BBX: variants seen among roughly 807,000 people sequenced by gnomAD.
BBX encodes the protein BBX high mobility group box domain containing, also known as HMG box transcription factor BBX.
Under a neutral mutation model 100.2 loss-of-function variants are expected in BBX, and 30 were observed. The ratio of observed to expected loss-of-function variants is 0.30; its 90% confidence interval spans 0.22 to 0.41. The LOEUF is 0.41. BBX is among the 10% of genes least tolerant of loss of function. BBX has a pLI of 1.00. For missense variants in BBX, 1,023 were observed against 1,129.8 expected (o/e 0.91, Z 1.35); for synonymous variants, 376 against 388.1 (o/e 0.97, Z 0.37).
chr3:107,632,377 G>T (rs1057431990), intron 2 of BBX, among the ~76,000 whole-genome samples: 1 of 152,046 alleles, frequency 6.6e-6, no homozygotes, highest in African/African-American at 2.4e-5. Flanking sequence ...GAGCTACCAC[G>T]CCTGGCCTTA....
At chr3:107,666,150 A>T (rs918994892) in intron 3 of BBX, among the ~76,000 whole-genome samples, 2 of 152,230 alleles carry the variant, frequency 1.3e-5, no homozygotes, top group Admixed American at 1.3e-4. Flanking sequence ...GAGGCAAAAG[A>T]TGCCAGAGAT....
chr3:107,595,888 C>G (rs963662828), intron 2 of BBX, among the ~76,000 whole-genome samples: 3 of 152,174 alleles, frequency 2.0e-5, no homozygotes, highest in African/African-American at 7.2e-5. Context: ...CTACTATTGA[C>G]TGGAAGCCTT....
intron 13 of BBX, among the ~76,000 whole-genome samples, chr3:107,778,825 T>C (rs1006564656): frequency 6.6e-6 from 1 of 151,652 alleles, no homozygotes; most frequent in Non-Finnish European, 1.5e-5. Context: ...GTTAACCTTT[T>C]CTTGAACAGA....
chr3:107,689,102 C>CT (rs1192081313), intron 3 of BBX, among the ~76,000 whole-genome samples: 4 of 152,084 alleles, frequency 2.6e-5, no homozygotes, highest in Admixed American at 2.0e-4. Flanking sequence ...CCAGTTGGTT[C>CT]TTTTTCAAAT....
At chr3:107,800,259 G>T (rs1475257490) in intron 16 of BBX, among the ~76,000 whole-genome samples, 1 of 152,132 alleles carries the variant, frequency 6.6e-6, no homozygotes, top group African/African-American at 2.4e-5. Flanking sequence ...TCCAATCTGA[G>T]TTCTGTTCTG....
At chr3:107,600,013 A>G (rs2053954467) in intron 2 of BBX, among the ~76,000 whole-genome samples, 1 of 152,312 alleles carries the variant, frequency 6.6e-6, no homozygotes, top group African/African-American at 2.4e-5. Flanking sequence ...ATGGGTGATG[A>G]TTTATTGTAA....
At chr3:107,661,988 A>G (rs1332911042) in intron 3 of BBX, 2 of 810,370 alleles carry the variant, frequency 2.5e-6, no homozygotes, top group Admixed American at 1.2e-4. Context: ...TTCACGCAGC[A>G]TAGTTGGTGG....
chr3:107,577,442 C>T (rs887173532), intron 2 of BBX, among the ~76,000 whole-genome samples: 5 of 152,120 alleles, frequency 3.3e-5, no homozygotes, highest in Non-Finnish European at 7.4e-5. Context: ...AGATATTCTG[C>T]TACTATCTTA....
rs983421937 is a variant in BBX at position 107,806,623 on chromosome 3, C to A, written c.*1166C>A. 6.6e-6 allele frequency: 1 copy of A among 152,326 alleles called. No individual in the cohort carries two copies. Among genetic ancestry groups the A allele is most frequent in the African/African-American group, 2.4e-5 (1 of 41,572 alleles). 9.4% of individuals were successfully genotyped at this position (152,326 alleles called of 1,614,324 possible). On this transcript the variant is annotated 3_prime_UTR_variant, in exon 18 of 18. Coordinates refer to ENST00000325805, the MANE Select transcript of BBX (RefSeq NM_001142568.3). ...CAGTCATAGATCCACCTGCAAGTCT[C>A]TGTTTCCTTTTTGTGTTTTGTTGCT...
intron 2 of BBX, among the ~76,000 whole-genome samples, chr3:107,532,079 C>CA (rs2048198686): frequency 6.6e-6 from 1 of 151,742 alleles, no homozygotes; most frequent in Admixed American, 6.6e-5. Context: ...CCTGTAGGCC[C>CA]AGCTACTCGG....
Position 107,609,118 on chromosome 3 carries a change from C to T in BBX, c.-83-36718C>T, listed in dbSNP as rs541892548. 3.3e-5 allele frequency among the ~76,000 whole-genome samples: 5 copies of T among 152,120 alleles called. No homozygotes were observed. In the East Asian group the frequency reaches 5.8e-4, roughly 18 times the overall value. On this transcript the variant is annotated intron_variant, in intron 2 of 17. Transcript: ENST00000325805. ...CTTAACGGTGGTGAAAGTAGGTGTCCTTGTCTTGTTCCAGATCTTAGAGGA... is the reference window on the plus strand; with the variant it reads ...CTTAACGGTGGTGAAAGTAGGTGTCTTTGTCTTGTTCCAGATCTTAGAGGA...
chr3:107,655,486 A>G (rs902830095), intron 3 of BBX, among the ~76,000 whole-genome samples: 1 of 149,142 alleles, frequency 6.7e-6, no homozygotes, highest in Non-Finnish European at 1.5e-5. Context: ...TTCACTAAGT[A>G]TGGGAACTTA....
intron 2 of BBX, among the ~76,000 whole-genome samples, chr3:107,630,484 T>C (rs1161951233): frequency 6.6e-6 from 1 of 152,112 alleles, no homozygotes; most frequent in Non-Finnish European, 1.5e-5. Context: ...ATTTCTGGGG[T>C]GGAAGTGGGG....
intron 3 of BBX, among the ~76,000 whole-genome samples, chr3:107,661,001 A>G (rs903426677): frequency 6.6e-6 from 1 of 152,186 alleles, no homozygotes; most frequent in Non-Finnish European, 1.5e-5. Flanking sequence ...GTCAGCTGAA[A>G]TGTGTTGAAT....
chr3:107,721,004 A>G (rs1236716620), intron 5 of BBX, among the ~76,000 whole-genome samples: 3 of 152,116 alleles, frequency 2.0e-5, no homozygotes, highest in South Asian at 2.1e-4. Flanking sequence ...TCTTGCAAGC[A>G]TGCTATATAG....
At chr3:107,532,304 C>T (rs2048215924) in intron 2 of BBX, among the ~76,000 whole-genome samples, 1 of 152,058 alleles carries the variant, frequency 6.6e-6, no homozygotes, top group Non-Finnish European at 1.5e-5. Context: ...AGGTAGTTCA[C>T]AGTGTGATAA....
intron 2 of BBX, among the ~76,000 whole-genome samples, chr3:107,640,435 T>G (rs2057119507): frequency 6.6e-6 from 1 of 152,202 alleles, no homozygotes; most frequent in Non-Finnish European, 1.5e-5. Context: ...CTCCATCCTG[T>G]CTGTCTGTAT....
At chr3:107,529,210 G>A (rs921813240) in intron 2 of BBX, among the ~76,000 whole-genome samples, 6 of 152,206 alleles carry the variant, frequency 3.9e-5, no homozygotes, top group African/African-American at 7.2e-5. Flanking sequence ...CACCAACGTG[G>A]CATACCTGTG....
intron 2 of BBX, among the ~76,000 whole-genome samples, chr3:107,615,720 A>G (rs1020397184): frequency 2.6e-5 from 4 of 152,170 alleles, no homozygotes; most frequent in East Asian, 1.9e-4. Flanking sequence ...GGAAAATACT[A>G]TGTTTCAATG....
Sources: gnomAD v4.1 joint callset for allele counts (sites outside exome capture counted in the v4.1 genomes callset) on GRCh38, gnomAD v4.1.1 for gene constraint, MANE v1.5 for transcripts, NCBI Gene and HGNC (gene_info 2026-07-23, HGNC 2026-07-21) for gene names.